MAP4K3: variants seen among roughly 807,000 people sequenced by gnomAD.
MAP4K3 encodes the protein mitogen-activated protein kinase kinase kinase kinase 3.
A neutral mutation model predicts 143.5 loss-of-function variants in MAP4K3; 94 were observed. The ratio of observed to expected loss-of-function variants is 0.65; its 90% CI spans 0.55 to 0.78. The LOEUF (loss-of-function observed/expected upper bound fraction) is 0.78, where lower values mean the gene tolerates loss of function less well. MAP4K3 is among the 30% of genes least tolerant of loss of function. The probability of loss-of-function intolerance (pLI) is 0.00; values close to 1 mark genes in which losing one functional copy is unlikely to be tolerated. For synonymous variants in MAP4K3, 416 were observed against 347.2 expected, an observed-to-expected ratio of 1.20 and a Z score of -2.20; for missense variants, 1,077 against 1,068.1, an observed-to-expected ratio of 1.01 and a Z score of -0.12.
At chr2:39,283,454 A>AT (rs1051395518) in intron 21 of MAP4K3, among the ~76,000 whole-genome samples, 3 of 151,468 alleles carry the variant, frequency 2.0e-5, no homozygotes, top group South Asian at 2.1e-4. Flanking sequence ...TTCTTTTCCC[A>AT]TTTTTTTTAA....
At chr2:39,274,724 ATC>A (rs2148458105) in intron 24 of MAP4K3, among the ~76,000 whole-genome samples, 1 of 152,270 alleles carries the variant, frequency 6.6e-6, no homozygotes, top group Non-Finnish European at 1.5e-5. Flanking sequence ...AATTTACTGA[ATC>A]TCTGTCTCAG....
At chr2:39,373,866 A>G (rs1666148257) in intron 2 of MAP4K3, among the ~76,000 whole-genome samples, 1 of 152,176 alleles carries the variant, frequency 6.6e-6, no homozygotes, top group South Asian at 2.1e-4. Flanking sequence ...GAAAGAATGA[A>G]TAAGCCCTAG....
chr2:39,268,634 A>ATGTTTTTTTTTTTT (rs1680877515), intron 26 of MAP4K3, among the ~76,000 whole-genome samples: 1 of 73,772 alleles, frequency 1.4e-5, no homozygotes, highest in African/African-American at 5.2e-5. Context: ...GATTTTTTCT[A>ATGTTTTTTTTTTTT]TTTTTTTTTT....
Position 39,278,417 on chromosome 2 carries a change from G to A in MAP4K3, c.1784C>T (p.Ser595Leu). Residue 595 changes from serine to leucine, a missense_variant, in exon 24 of 34, where the codon TCA becomes TTA. Around this residue, in one of 2 missense-constraint regions of MAP4K3, gnomAD observed 864 missense variants for 801.2 expected, o/e 1.08. Transcript: ENST00000263881. ...TLNLNELHET[S>L]MEQLFPRRCT... ...TACAAAATAACATACCTGTTCCATT[G>A]ATGTTTCATGAAGTTCATTAAGATT... is the stretch of plus-strand genomic sequence containing the variant. 6.4e-7 allele frequency: 1 copy of A among 1,573,090 alleles called. No individual in the cohort carries two copies. Among genetic ancestry groups the A allele is most frequent in the Non-Finnish European group, 8.7e-7 (1 of 1,153,894 alleles).
At chr2:39,391,930 C>T (rs1666672664) in intron 1 of MAP4K3, among the ~76,000 whole-genome samples, 1 of 152,112 alleles carries the variant, frequency 6.6e-6, no homozygotes, top group East Asian at 1.9e-4. Flanking sequence ...CATCTGTAAT[C>T]CTAGCACTTT....
intron 16 of MAP4K3, among the ~76,000 whole-genome samples, chr2:39,298,718 C>G (rs893997226): frequency 2.6e-5 from 4 of 152,060 alleles, no homozygotes; most frequent in African/African-American, 7.2e-5. Context: ...AATCTTAGCA[C>G]CTTCTGGGAG....
At chr2:39,267,748 G>A (rs1040196218) in intron 26 of MAP4K3, among the ~76,000 whole-genome samples, 3 of 151,214 alleles carry the variant, frequency 2.0e-5, no homozygotes, top group Non-Finnish European at 4.4e-5. Context: ...TTCCAAATGG[G>A]TTAAGGGTTT....
intron 1 of MAP4K3, among the ~76,000 whole-genome samples, chr2:39,417,446 C>G (rs969473509): frequency 2.0e-5 from 3 of 152,000 alleles, no homozygotes; most frequent in Non-Finnish European, 4.4e-5. Context: ...GTCTTGATCT[C>G]CTGACCTTGT....
chr2:39,261,092 G>A (rs1023266807), intron 28 of MAP4K3: 18 of 219,900 alleles, frequency 8.2e-5, no homozygotes, highest in East Asian at 6.3e-4. Flanking sequence ...ATGGTCCCCC[G>A]GCCTTTGTGG....
intron 26 of MAP4K3, among the ~76,000 whole-genome samples, chr2:39,270,652 C>G (rs190741618): frequency 2.4e-4 from 36 of 152,124 alleles, no homozygotes; most frequent in African/African-American, 8.4e-4. Context: ...AATGATACAA[C>G]TGTACTTGAA....
intron 2 of MAP4K3, among the ~76,000 whole-genome samples, chr2:39,365,441 T>A (rs1423332541): frequency 6.2e-5 from 9 of 144,194 alleles, no homozygotes; most frequent in Middle Eastern, 3.4e-3. Context: ...TTTTTTTTTT[T>A]TTTTTTTTTT....
chr2:39,254,295 T>C (rs990580923), intron 32 of MAP4K3, among the ~76,000 whole-genome samples, 155 bp downstream of exon 32: 2 of 152,154 alleles, frequency 1.3e-5, no homozygotes, highest in Admixed American at 1.3e-4. Context: ...GAGGTGGACA[T>C]AGAGTATGGG....
chr2:39,382,405 G>A (rs1162644461), intron 1 of MAP4K3, among the ~76,000 whole-genome samples: 2 of 152,208 alleles, frequency 1.3e-5, no homozygotes, highest in Non-Finnish European at 2.9e-5. Context: ...TACAAGTTCT[G>A]AGTGAGAGTT....
At chr2:39,256,943 T>C (rs1333836262) in intron 31 of MAP4K3, among the ~76,000 whole-genome samples, 1 of 152,228 alleles carries the variant, frequency 6.6e-6, no homozygotes, top group Non-Finnish European at 1.5e-5. Flanking sequence ...GCTTTGAGAT[T>C]CTGTTGTTGA....
intron 1 of MAP4K3, among the ~76,000 whole-genome samples, chr2:39,416,292 TAAGATGTTTCTGGCATGTTAATAAAG>T (rs530240023): frequency 1.3e-5 from 2 of 151,944 alleles, no homozygotes; most frequent in Non-Finnish European, 2.9e-5. Flanking sequence ...ACCAAATAGA[TAAGATGTTTCTGGCATGTTAATAAAG>T]AAATTCCTTC....
At chr2:39,369,956 G>A (rs950593610) in intron 2 of MAP4K3, among the ~76,000 whole-genome samples, 1 of 152,190 alleles carries the variant, frequency 6.6e-6, no homozygotes, top group African/African-American at 2.4e-5. Flanking sequence ...TCCGTAGTTA[G>A]GCTGCTACTT....
intron 20 of MAP4K3, 65 bp downstream of exon 20, chr2:39,288,056 A>C (rs551882924): frequency 1.9e-6 from 3 of 1,570,978 alleles, no homozygotes; most frequent in South Asian, 2.3e-5. Flanking sequence ...TCTTAAAAGA[A>C]AGTTTTTTTT....
chr2:39,272,236 G>T, intron 26 of MAP4K3, 47 bp downstream of exon 26: 1 of 1,339,402 alleles, frequency 7.5e-7, no homozygotes, highest in South Asian at 1.3e-5. Context: ...AAATATTTAT[G>T]AGAATGAACT....
In MAP4K3 at chr2:39,435,724, A is replaced by G. The variant is rs536460653; in HGVS notation, c.96+1168T>C. The stretch of plus-strand genomic sequence containing the variant: ...AGTCTATCGTTTACTGCTACAACCC[A>G]AAGTGCTTACTTGCCAAGTATCTCA... On this transcript the variant is annotated intron_variant, in intron 1 of 33. Coordinates refer to ENST00000263881, the MANE Select transcript of MAP4K3 (RefSeq NM_003618.4). 4.6e-5 allele frequency among the ~76,000 whole-genome samples: 7 copies of G among 152,358 alleles called. No homozygotes were observed. In the East Asian group the frequency reaches 7.7e-4, roughly 17 times the overall value.
Sources: gnomAD v4.1 joint callset for allele counts (sites outside exome capture counted in the v4.1 genomes callset) on GRCh38, gnomAD v4.1.1 for gene constraint, gnomAD v4.1.1 regional missense constraint, MANE v1.5 for transcripts, NCBI Gene and HGNC (gene_info 2026-07-23, HGNC 2026-07-21) for gene names.